RNF216: variants seen among roughly 807,000 people sequenced by gnomAD.
The protein encoded by RNF216 is E3 ubiquitin-protein ligase RNF216.
In RNF216, 72 loss-of-function variants were observed where a neutral mutation model predicts 110.8. The ratio of observed to expected loss-of-function variants is 0.65; its 90% confidence interval spans 0.54 to 0.79. The LOEUF (loss-of-function observed/expected upper bound fraction) is 0.79, where lower values mean the gene tolerates loss of function less well. Among genes scored for constraint, RNF216 ranks in the 30% least tolerant of loss-of-function variants. The pLI, the probability that RNF216 is intolerant of heterozygous loss-of-function variation, is 0.00. For missense variants in RNF216, 1,342 were observed against 1,141.2 expected (o/e 1.18, Z -2.54); for synonymous variants, 495 against 407.5 (o/e 1.21, Z -2.59).
At chr7:5,646,300 G>A (rs1252670004) in intron 14 of RNF216, among the ~76,000 whole-genome samples, 1 of 151,946 alleles carries the variant, frequency 6.6e-6, no homozygotes, top group Non-Finnish European at 1.5e-5. Flanking sequence ...GCCCAGAGGT[G>A]GAGGTTGCAG....
chr7:5,681,252 T>A (rs1046820150), intron 13 of RNF216, among the ~76,000 whole-genome samples: 33 of 152,276 alleles, frequency 2.2e-4, no homozygotes, highest in African/African-American at 7.7e-4. Context: ...CCTCCCTACC[T>A]CAGGAAATCC....
At chr7:5,695,931 T>G (rs975380861) in intron 13 of RNF216, among the ~76,000 whole-genome samples, 4 of 152,216 alleles carry the variant, frequency 2.6e-5, no homozygotes, top group African/African-American at 9.6e-5. Flanking sequence ...GAAAACATGT[T>G]TCCCGTCAGA....
At chr7:5,700,581 A>C (rs1290695337) in intron 13 of RNF216, among the ~76,000 whole-genome samples, 1 of 152,210 alleles carries the variant, frequency 6.6e-6, no homozygotes, top group East Asian at 1.9e-4. Flanking sequence ...GGCTGTGACA[A>C]GCCTGAGAAG....
At chr7:5,776,715 C>T (rs1796800056) in intron 1 of RNF216, among the ~76,000 whole-genome samples, 1 of 150,006 alleles carries the variant, frequency 6.7e-6, no homozygotes, top group Non-Finnish European at 1.5e-5. Flanking sequence ...CCTTTAAAAG[C>T]ACAGCAGCCC....
chr7:5,761,513 C>T (rs533341821), intron 1 of RNF216, among the ~76,000 whole-genome samples: 58 of 152,272 alleles, frequency 3.8e-4, no homozygotes, highest in African/African-American at 1.3e-3. Context: ...TTCAGCCAGA[C>T]GCAGTGGCTC....
rs1794724787 is a variant in RNF216 at position 5,741,049 on chromosome 7, G to C, written c.968C>G (p.Pro323Arg). Residue 323 changes from proline to arginine, a missense_variant, in exon 4 of 17, where the codon CCC becomes CGC. Pro to Arg is a moderately radical substitution (Grantham distance 103). Coordinates refer to ENST00000389902, the MANE Select transcript of RNF216 (RefSeq NM_207111.4). ...TTGCCCCCAAATGTTTTCCAAATTG[G>C]GCTCTTGAGATTCTTGCATTGGAAA... ...PAFPMQESQE[P>R]NLENIWGQEA... 7 of 1,613,968 alleles carry C rather than the reference G, an allele frequency of 4.3e-6. No homozygotes were observed. The highest frequency in any genetic ancestry group is 5.9e-6 in the Non-Finnish European group (7 of 1,180,020).
rs1795409410 is a variant in RNF216 at position 5,752,941 on chromosome 7, C to A, written c.106G>T (p.Asp36Tyr). The A allele has an allele frequency of 6.2e-7, 1 of 1,611,736 alleles. No homozygotes were observed. The highest frequency in any genetic ancestry group is 1.7e-5 in the Admixed American group (1 of 59,740). ...NLRDGPITIS[D>Y]SSDEERIPML... ...GGAATCCTTTCCTCATCTGAGGAGT[C>A]AGATATGGTGATGGGCCCATCTCGG... is the stretch of plus-strand genomic sequence containing the variant. Residue 36 changes from aspartate (D) to tyrosine (Y), a missense_variant, in exon 3 of 17, where the codon GAC becomes TAC. Physicochemically the swap from Asp to Tyr is radical, Grantham distance 160. Transcript: ENST00000389902.
chr7:5,765,914 C>A (rs12532901), intron 1 of RNF216, among the ~76,000 whole-genome samples: 6 of 147,404 alleles, frequency 4.1e-5, no homozygotes, highest in African/African-American at 1.5e-4. Flanking sequence ...GATTGCACCA[C>A]TGCAGTCCAG....
chr7:5,741,803 G>A lies in RNF216; in HGVS notation c.214C>T (p.Gln72Ter). 6.2e-7 allele frequency: 1 copy of A among 1,601,840 alleles called. No homozygotes were observed. Among genetic ancestry groups the A allele is most frequent in the Non-Finnish European group, 8.5e-7 (1 of 1,176,102 alleles). ...TTGATGAGATTGGGTCGTGATCTCT[G>A]AGGTTTATTTGTCTAAGAAAAAATG... is the stretch of plus-strand genomic sequence containing the variant. ...DVILTETNKP[Q>*]RSRPNLIKPA... The change falls in exon 4 of 17, where the codon CAG (glutamine) becomes TAG (stop). Residue 72 changes from glutamine to a stop codon, truncating the protein, a stop_gained. Coordinates refer to ENST00000389902, the MANE Select transcript of RNF216 (RefSeq NM_207111.4). LOFTEE classifies it high-confidence loss of function.
At chr7:5,754,369 C>G (rs1795504033) in intron 2 of RNF216, among the ~76,000 whole-genome samples, 1 of 151,942 alleles carries the variant, frequency 6.6e-6, no homozygotes, top group Non-Finnish European at 1.5e-5. Flanking sequence ...CACTATGTTC[C>G]TATGCTGGCC....
intron 13 of RNF216, among the ~76,000 whole-genome samples, chr7:5,682,020 C>T (rs1311665958): frequency 6.6e-6 from 1 of 152,190 alleles, no homozygotes; most frequent in African/African-American, 2.4e-5. Flanking sequence ...TCTGTGTGTG[C>T]CACTTCTGTG....
intron 13 of RNF216, among the ~76,000 whole-genome samples, chr7:5,706,452 A>T (rs1792295872): frequency 6.6e-6 from 1 of 152,164 alleles, no homozygotes; most frequent in South Asian, 2.1e-4. Flanking sequence ...ACTACTTTAG[A>T]TCCTGCATTT....
At chr7:5,644,093 GGATT>G (rs913256339) in intron 14 of RNF216, among the ~76,000 whole-genome samples, 7 of 152,208 alleles carry the variant, frequency 4.6e-5, no homozygotes, top group South Asian at 2.1e-4. Flanking sequence ...ATGAGTTGAT[GGATT>G]GAGTTTTTTT....
chr7:5,699,796 C>T (rs1002662648), intron 13 of RNF216, among the ~76,000 whole-genome samples: 10 of 152,206 alleles, frequency 6.6e-5, no homozygotes, highest in Non-Finnish European at 1.5e-4. Context: ...GATACAGACG[C>T]ACATTTTCTA....
chr7:5,696,989 G>C lies in RNF216; in HGVS notation c.2061+14772C>G, dbSNP rs1791670171. 6.6e-6 allele frequency among the ~76,000 whole-genome samples: 1 copy of C among 152,162 alleles called. No homozygotes were observed. Among genetic ancestry groups the C allele is most frequent in the Non-Finnish European group, 1.5e-5 (1 of 68,028 alleles). Reference sequence around the variant, plus strand: ...GTGTCCCTCCATTACGCCAGCAACAGCTCCAGGGACGGGGGTAGGGGAAGT... The same window carrying C: ...GTGTCCCTCCATTACGCCAGCAACACCTCCAGGGACGGGGGTAGGGGAAGT... On this transcript the variant is annotated intron_variant, in intron 13 of 16. Coordinates refer to ENST00000389902, the MANE Select transcript of RNF216 (RefSeq NM_207111.4). This position sits in a 1 kb window ranked among gnomAD's most constrained non-coding sequence, Gnocchi z 5.4.
chr7:5,634,905 C>T (rs1210821883), intron 15 of RNF216, among the ~76,000 whole-genome samples: 1 of 152,152 alleles, frequency 6.6e-6, no homozygotes, highest in Non-Finnish European at 1.5e-5. Context: ...GCCAGGGCCC[C>T]TTTCTACTAT....
rs541403145 is a variant in RNF216 at position 5,736,562 on chromosome 7, C to T, written c.1121+2714G>A. Among the ~76,000 whole-genome samples, 404 of 152,130 alleles carry T rather than the reference C, an allele frequency of 2.7e-3. 2 individuals carry two copies. The highest frequency in any genetic ancestry group is 4.4e-3 in the Non-Finnish European group (298 of 67,982). On this transcript the variant is annotated intron_variant, in intron 5 of 16. Transcript: ENST00000389902. ...GCCACCCCGTCTGGGAAGTGAGGAG[C>T]GTCTCTGCCTGGCCGCCCATCGTCT...
intron 14 of RNF216, among the ~76,000 whole-genome samples, 199 bp downstream of exon 14, chr7:5,652,214 T>C (rs1788434495): frequency 6.6e-6 from 1 of 152,154 alleles, no homozygotes; most frequent in Non-Finnish European, 1.5e-5. Context: ...TATATGTTAG[T>C]TTGTCTTCTG....
intron 1 of RNF216, among the ~76,000 whole-genome samples, chr7:5,780,798 G>A (rs1797041078): frequency 6.6e-6 from 1 of 152,198 alleles, no homozygotes; most frequent in African/African-American, 2.4e-5. Flanking sequence ...AGGCCCTTAG[G>A]GATTTACAGA....
Sources: allele counts gnomAD v4.1 joint callset (sites outside exome capture counted in the v4.1 genomes callset), GRCh38; gene constraint gnomAD v4.1.1; non-coding constraint Gnocchi (gnomAD v3.1); transcripts MANE v1.5; gene names NCBI Gene and HGNC (gene_info 2026-07-23, HGNC 2026-07-21).